FLRT2: variants seen among roughly 807,000 people sequenced by gnomAD.
FLRT2 encodes the protein fibronectin leucine rich transmembrane protein 2.
Under a neutral mutation model 40.0 loss-of-function variants are expected in FLRT2, and 15 were observed. The observed-to-expected ratio is 0.38, with a 90% CI of 0.25 to 0.58. FLRT2 has a LOEUF of 0.58. Ranked by LOEUF, FLRT2 falls within the 20% of genes least tolerant of loss-of-function variation. The pLI is 0.71. For synonymous variants in FLRT2, 380 were observed against 336.8 expected (o/e 1.13, Z -1.41); for missense variants, 726 against 840.0 (o/e 0.86, Z 1.68).
At chr14:85,604,416 G>A (rs903349430) in intron 1 of FLRT2, among the ~76,000 whole-genome samples, 20 of 152,126 alleles carry the variant, frequency 1.3e-4, no homozygotes, top group African/African-American at 4.8e-4. Flanking sequence ...AATTTACTAA[G>A]CACTCGAATC....
chr14:85,539,470 T>G (rs1274426906), intron 1 of FLRT2, among the ~76,000 whole-genome samples: 2 of 152,164 alleles, frequency 1.3e-5, no homozygotes, highest in Admixed American at 1.3e-4. Context: ...TTACCTGTTC[T>G]GAATGAGTAT....
Position 85,642,433 on chromosome 14 carries a change from C to T in FLRT2, c.*18936C>T, listed in dbSNP as rs928180268. 1 of 152,118 alleles carries T rather than the reference C, an allele frequency of 6.6e-6. No individual in the cohort carries two copies. Among genetic ancestry groups the T allele is most frequent in the African/African-American group, 2.4e-5 (1 of 41,434 alleles). The allele number at this position is 152,118 out of a possible 1,614,324, so 9.4% of individuals were successfully genotyped here. On this transcript the variant is annotated 3_prime_UTR_variant, in exon 2 of 2. Coordinates refer to ENST00000330753, the MANE Select transcript of FLRT2 (RefSeq NM_013231.6). The stretch of plus-strand genomic sequence containing the variant: ...GGGAGAACTAACTTACCTGAGGTAA[C>T]TAATGTAAAATAGCTTGTTCTGATC...
chr14:85,622,700 A>G lies in FLRT2; in HGVS notation c.1186A>G (p.Thr396Ala). Residue 396 changes from threonine (T) to alanine (A), a missense_variant, in exon 2 of 2, where the codon ACG becomes GCG. This residue lies in a region of FLRT2 where 611 missense variants were observed against 690.0 expected (regional missense o/e 0.89). Transcript: ENST00000330753. ...TATTCCAAACCCTAGCAGAAGCTAC[A>G]CGCCTCCAACTCCTACCACATCGAA... The part of the protein sequence containing the change: ...LSIPNPSRSY[T>A]PPTPTTSKLP... 1.9e-6 allele frequency: 3 copies of G among 1,614,026 alleles called. No individual in the cohort carries two copies. Among genetic ancestry groups the G allele is most frequent in the Non-Finnish European group, 2.5e-6 (3 of 1,180,000 alleles).
chr14:85,598,561 T>G (rs1892238609), intron 1 of FLRT2, among the ~76,000 whole-genome samples: 1 of 152,198 alleles, frequency 6.6e-6, no homozygotes, highest in Non-Finnish European at 1.5e-5. Context: ...TCGTAGGGCT[T>G]GGCTTCTGAT....
In FLRT2 at chr14:85,616,409, G is replaced by A. The variant is rs534390626; in HGVS notation, c.-376-4730G>A. 1.3e-3 allele frequency among the ~76,000 whole-genome samples: 197 copies of A among 152,134 alleles called. 1 individual carries two copies. Among genetic ancestry groups the A allele is most frequent in the African/African-American group, 4.4e-3 (183 of 41,508 alleles). ...ATCACCAACATTTAGACTTATAGGT[G>A]ACATGCCCAATGATTTTGAAACATG... On this transcript the variant is annotated intron_variant, in intron 1 of 1. Transcript: ENST00000330753.
At position 85,645,194 on chromosome 14, in the gene FLRT2, G is replaced by A. The variant is rs1894264068; in HGVS notation, c.*21697G>A. On this transcript the variant is annotated 3_prime_UTR_variant, in exon 2 of 2. Transcript: ENST00000330753. Reference sequence around the variant, plus strand: ...TATGTATATGTATACCTATATATATGTATACATATGTATATATGTACACAT... The same window carrying A: ...TATGTATATGTATACCTATATATATATATACATATGTATATATGTACACAT... 1 of 150,758 alleles carries A rather than the reference G, an allele frequency of 6.6e-6. No homozygotes were observed. Among genetic ancestry groups the A allele is most frequent in the African/African-American group, 2.4e-5 (1 of 40,924 alleles). 9.3% of individuals were successfully genotyped at this position (150,758 alleles called of 1,614,324 possible).
At chr14:85,542,910 C>T (rs1027160389) in intron 1 of FLRT2, among the ~76,000 whole-genome samples, 1 of 152,208 alleles carries the variant, frequency 6.6e-6, no homozygotes, top group Admixed American at 6.5e-5. Flanking sequence ...TCAGACAAGA[C>T]TTTGTCCCTG....
intron 1 of FLRT2, among the ~76,000 whole-genome samples, chr14:85,576,741 G>T (rs1279040388): frequency 6.6e-6 from 1 of 152,150 alleles, no homozygotes; most frequent in Admixed American, 6.6e-5. Flanking sequence ...AAAACTAGTT[G>T]CTTGTTTGGT....
chr14:85,573,414 A>G (rs77818273), intron 1 of FLRT2, among the ~76,000 whole-genome samples: 1,669 of 152,262 alleles, frequency 0.011, 37 homozygotes, highest in African/African-American at 0.038. Flanking sequence ...CTCGCTTTTA[A>G]TATTATATTA....
chr14:85,535,207 C>G (rs1410491278), intron 1 of FLRT2, among the ~76,000 whole-genome samples: 1 of 152,216 alleles, frequency 6.6e-6, no homozygotes, highest in Non-Finnish European at 1.5e-5. Flanking sequence ...AGCATGTCCA[C>G]TCGCTCACAG....
intron 1 of FLRT2, among the ~76,000 whole-genome samples, chr14:85,544,899 A>C (rs1889193000): frequency 6.6e-6 from 1 of 152,142 alleles, no homozygotes; most frequent in Admixed American, 6.5e-5. Context: ...TTTTTCAGCA[A>C]AACTTTTCAG....
Position 85,625,935 on chromosome 14 carries a change from T to C in FLRT2, c.*2438T>C, listed in dbSNP as rs537574606. 1.2e-5 allele frequency: 2 copies of C among 167,242 alleles called. No individual in the cohort carries two copies. The highest frequency in any genetic ancestry group is 6.5e-5 in the Admixed American group (1 of 15,314). 10.4% of individuals were successfully genotyped at this position (167,242 alleles called of 1,614,324 possible). ...CCAGGAAGAACAAGGATGAAGAGGT[T>C]CCTGTCATTTCTTATGGGGTTCACA... On this transcript the variant is annotated 3_prime_UTR_variant, in exon 2 of 2. Transcript: ENST00000330753.
At position 85,608,827 on chromosome 14, in the gene FLRT2, G is replaced by A. The variant is rs117513500; in HGVS notation, c.-376-12312G>A. Among the ~76,000 whole-genome samples, 113 of 152,232 alleles carry A rather than the reference G, an allele frequency of 7.4e-4. 1 individual carries two copies. The East Asian group carries it at 0.02, about 27-fold the overall frequency. On this transcript the variant is annotated intron_variant, in intron 1 of 1. Transcript: ENST00000330753. ...CAGGCCCACGCAAACATTTGCCAGCGTCCTGAGCAAGAACATGGGGAGAGG... is the reference window on the plus strand; with the variant it reads ...CAGGCCCACGCAAACATTTGCCAGCATCCTGAGCAAGAACATGGGGAGAGG...
intron 1 of FLRT2, among the ~76,000 whole-genome samples, chr14:85,542,726 G>T (rs1199901785): frequency 6.6e-6 from 1 of 152,146 alleles, no homozygotes; most frequent in Non-Finnish European, 1.5e-5. Flanking sequence ...GTCCAGTGGT[G>T]CTGACAGCAA....
rs886310052 is a variant in FLRT2 at position 85,650,543 on chromosome 14, A to C, written c.*27046A>C. 2 of 152,020 alleles carry C rather than the reference A, an allele frequency of 1.3e-5. No homozygotes were observed. The highest frequency in any genetic ancestry group is 4.8e-5 in the African/African-American group (2 of 41,422). 9.4% of individuals were successfully genotyped at this position (152,020 alleles called of 1,614,324 possible). A position where few individuals can be genotyped will look rare whatever the true frequency, so the allele number is the denominator to read the frequency against. On this transcript the variant is annotated 3_prime_UTR_variant, in exon 2 of 2. Coordinates refer to ENST00000330753, the MANE Select transcript of FLRT2 (RefSeq NM_013231.6). Reference sequence around the variant, plus strand: ...ATTTTCATTTTTAACTTTACTAAATACTGTAAAATTGTTCTCTGTGTGCCA... The same window carrying C: ...ATTTTCATTTTTAACTTTACTAAATCCTGTAAAATTGTTCTCTGTGTGCCA...
At position 85,645,467 on chromosome 14, in the gene FLRT2, G is replaced by A. The variant is rs1894275130; in HGVS notation, c.*21970G>A. 6.6e-6 allele frequency: 1 copy of A among 152,024 alleles called. No individual in the cohort carries two copies. Among genetic ancestry groups the A allele is most frequent in the African/African-American group, 2.4e-5 (1 of 41,408 alleles). The allele number at this position is 152,024 out of a possible 1,614,324, so 9.4% of individuals were successfully genotyped here. A position where few individuals can be genotyped will look rare whatever the true frequency, so the allele number is the denominator to read the frequency against. On this transcript the variant is annotated 3_prime_UTR_variant, in exon 2 of 2. Coordinates refer to ENST00000330753, the MANE Select transcript of FLRT2 (RefSeq NM_013231.6). ...TTCTCAGAGAAACTATAGAGAAGAGGAAACTTCCAAGTGAGCAGGTCTTTG... is the reference window on the plus strand; with the variant it reads ...TTCTCAGAGAAACTATAGAGAAGAGAAAACTTCCAAGTGAGCAGGTCTTTG...
chr14:85,567,663 CGG>C (rs1393432328), intron 1 of FLRT2, among the ~76,000 whole-genome samples: 81 of 104,388 alleles, frequency 7.8e-4, no homozygotes, highest in African/African-American at 2.6e-3. Context: ...TTTTTTGAGA[CGG>C]AGTCTCACTC....
chr14:85,532,287 G>T (rs771570325), intron 1 of FLRT2, among the ~76,000 whole-genome samples: 21 of 152,210 alleles, frequency 1.4e-4, no homozygotes, highest in Non-Finnish European at 2.2e-4. Flanking sequence ...CTCTTGGCGC[G>T]GGCTCGTTCT....
At position 85,636,929 on chromosome 14, in the gene FLRT2, C is replaced by CAAAAAAAAAA. The variant is rs397853459; in HGVS notation, c.*13448_*13457dup. 2.6e-5 allele frequency: 1 copy of CAAAAAAAAAA among 38,620 alleles called. No homozygotes were observed. Among genetic ancestry groups the CAAAAAAAAAA allele is most frequent in the Admixed American group, 3.4e-4 (1 of 2,944 alleles). 2.4% of individuals were successfully genotyped at this position (38,620 alleles called of 1,614,324 possible). A position where few individuals can be genotyped will look rare whatever the true frequency, so the allele number is the denominator to read the frequency against. On this transcript the variant is annotated 3_prime_UTR_variant, in exon 2 of 2. Coordinates refer to ENST00000330753, the MANE Select transcript of FLRT2 (RefSeq NM_013231.6). ...GGGTGACAGAGCGATACTTCGTCTC[C>CAAAAAAAAAA]AAAAAAAAAAAAAAAAAAAAAAAAA...
Sources: allele counts gnomAD v4.1 joint callset (sites outside exome capture counted in the v4.1 genomes callset), GRCh38; gene constraint gnomAD v4.1.1; regional missense constraint gnomAD v4.1.1; transcripts MANE v1.5; gene names NCBI Gene and HGNC (gene_info 2026-07-23, HGNC 2026-07-21).